The following NEDD1 variants were observed in gnomAD, a reference collection of about 807,000 sequenced individuals.
The protein encoded by NEDD1 is NEDD1 gamma-tubulin ring complex targeting factor.
A neutral mutation model predicts 74.0 loss-of-function variants in NEDD1; 33 were observed. The observed-to-expected ratio is 0.45, with a 90% CI of 0.34 to 0.60. The LOEUF (loss-of-function observed/expected upper bound fraction) is 0.60. Among genes scored for constraint, NEDD1 ranks in the 20% least tolerant of loss-of-function variants. The pLI, the probability that NEDD1 is intolerant of heterozygous loss-of-function variation, is 0.01. For missense variants in NEDD1, 746 were observed against 776.5 expected, an observed-to-expected ratio of 0.96 and a Z score of 0.47; for synonymous variants, 250 against 264.4, an observed-to-expected ratio of 0.95 and a Z score of 0.53.
chr12:96,944,971 C>T (rs1048220372), intron 13 of NEDD1, among the ~76,000 whole-genome samples, 176 bp downstream of exon 13: 3 of 151,968 alleles, frequency 2.0e-5, no homozygotes, highest in Admixed American at 1.3e-4. Context: ...GGATATGAAT[C>T]GTTAAATTCA....
chr12:96,946,255 A>G (rs1032068566), intron 14 of NEDD1, among the ~76,000 whole-genome samples: 4 of 152,126 alleles, frequency 2.6e-5, no homozygotes, highest in Non-Finnish European at 5.9e-5. Context: ...GTTTTCCAAT[A>G]GAATGCATCA....
Position 96,907,751 on chromosome 12 carries a change from G to GGCC in NEDD1, c.-112_-110dup. On this transcript the variant is annotated 5_prime_UTR_variant, in exon 2 of 16. Transcript: ENST00000266742. ...CCTGTAGCCGCTGTCCCTAAACCCAGGCCGACGTTACCGCCTTGTGTCCTG... is the reference window on the plus strand; with the variant it reads ...CCTGTAGCCGCTGTCCCTAAACCCAGGCCGCCGACGTTACCGCCTTGTGTCCTG... The GGCC allele has an allele frequency of 2.6e-6, 4 of 1,540,134 alleles. No homozygotes were observed. The South Asian group carries it at 4.8e-5, about 19-fold the overall frequency.
rs1398765540 is a variant in NEDD1 at position 96,936,421 on chromosome 12, A to G, written c.720-190A>G. On this transcript the variant is annotated intron_variant, in intron 7 of 15. Coordinates refer to ENST00000266742, the MANE Select transcript of NEDD1 (RefSeq NM_152905.4). ...GATGGAATGTTTAGCAGTTCTCTATATGCCATTTTATTAGAAATGTCTCTA... is the reference window on the plus strand; with the variant it reads ...GATGGAATGTTTAGCAGTTCTCTATGTGCCATTTTATTAGAAATGTCTCTA... Among the ~76,000 whole-genome samples the G allele has an allele frequency of 2.0e-5, 3 of 152,366 alleles. No individual in the cohort carries two copies. The East Asian group carries it at 5.8e-4, about 29-fold the overall frequency.
intron 6 of NEDD1, among the ~76,000 whole-genome samples, chr12:96,928,468 A>G (rs1286060899): frequency 6.6e-6 from 1 of 152,084 alleles, no homozygotes; most frequent in East Asian, 1.9e-4. Flanking sequence ...GCAGGCTTAC[A>G]TTTCCTTTAA....
At chr12:96,951,363 G>T in intron 14 of NEDD1, 69 bp from the exon 15 acceptor site, 1 of 821,920 alleles carries the variant, frequency 1.2e-6, no homozygotes, top group South Asian at 1.7e-5. Context: ...AAAGTTTAGT[G>T]AGTTTCTTGA....
chr12:96,949,141 G>A (rs1878473395), intron 14 of NEDD1, among the ~76,000 whole-genome samples: 1 of 152,156 alleles, frequency 6.6e-6, no homozygotes. Context: ...TCTCCACACT[G>A]TGGAATCAGC....
chr12:96,948,414 A>G (rs1878403665), intron 14 of NEDD1, among the ~76,000 whole-genome samples: 2 of 152,164 alleles, frequency 1.3e-5, no homozygotes, highest in African/African-American at 4.8e-5. Flanking sequence ...TACTCTGTCA[A>G]GGGCATGAAG....
Position 96,935,005 on chromosome 12 carries a change from T to A in NEDD1, c.519T>A (p.Phe173Leu). The A allele has an allele frequency of 6.2e-7, 1 of 1,609,972 alleles. No individual in the cohort carries two copies. The highest frequency in any genetic ancestry group is 1.7e-5 in the Admixed American group (1 of 60,012). Residue 173 changes from phenylalanine to leucine, a missense_variant, in exon 7 of 16, where the codon TTT becomes TTA. Phe to Leu is a conservative substitution (Grantham distance 22, BLOSUM62 0). Transcript: ENST00000266742. ...TTCGGCACTTGAAGTACTCCTTGTT[T>A]AAGAAATCACTACTGGGCAGTGTTT... ...QSVRHLKYSL[F>L]KKSLLGSVSD...
In NEDD1 at chr12:96,917,612, TTTA is replaced by T. The variant is rs1220187292; in HGVS notation, c.232-8_232-6del. 1 of 1,513,108 alleles carries T rather than the reference TTTA, an allele frequency of 6.6e-7. No individual in the cohort carries two copies. Among genetic ancestry groups the T allele is most frequent in the Non-Finnish European group, 8.8e-7 (1 of 1,140,260 alleles). The allele number at this position is 1,513,108 out of a possible 1,614,324, so 93.7% of individuals were successfully genotyped here. On this transcript the variant is annotated splice_polypyrimidine_tract_variant and splice_region_variant and intron_variant, in intron 4 of 15. Transcript: ENST00000266742. ...AATTAAGGTAACTTTTTTTTTTTTTTTTAAATAGCAAAAGCAGACATGTGTCAA... is the reference window on the plus strand; with the variant it reads ...AATTAAGGTAACTTTTTTTTTTTTTTAATAGCAAAAGCAGACATGTGTCAA...
chr12:96,932,463 AATAT>A (rs1555203253), intron 6 of NEDD1, among the ~76,000 whole-genome samples: 1 of 9,438 alleles, frequency 1.1e-4, no homozygotes, highest in Admixed American at 2.4e-3. Flanking sequence ...AAAAAAAAAA[AATAT>A]ATATATATAT....
Position 96,952,116 on chromosome 12 carries a change from AG to A in NEDD1, c.*64del. 1.1e-6 allele frequency: 1 copy of A among 874,988 alleles called. No homozygotes were observed. The highest frequency in any genetic ancestry group is 1.9e-6 in the Non-Finnish European group (1 of 525,192). 54.2% of individuals were successfully genotyped at this position (874,988 alleles called of 1,614,324 possible). ...AGTTTCTGGCAACACAGAACTACAT[AG>A]AATCAGTATTGTTTTCATGGCCTCC... On this transcript the variant is annotated 3_prime_UTR_variant, in exon 16 of 16. Coordinates refer to ENST00000266742, the MANE Select transcript of NEDD1 (RefSeq NM_152905.4).
intron 6 of NEDD1, among the ~76,000 whole-genome samples, chr12:96,933,644 G>C (rs1240540749): frequency 1.3e-5 from 2 of 152,044 alleles, no homozygotes; most frequent in East Asian, 3.9e-4. Context: ...TTAGGTGCCA[G>C]GTGACTAATA....
chr12:96,936,987 TTTTTTC>T (rs994458273), intron 8 of NEDD1, among the ~76,000 whole-genome samples, 175 bp downstream of exon 8: 2 of 151,980 alleles, frequency 1.3e-5, no homozygotes, highest in African/African-American at 4.8e-5. Flanking sequence ...TTTTAAAACT[TTTTTTC>T]TTTTTTTTTT....
At chr12:96,945,881 G>A (rs1437445110) in intron 14 of NEDD1, 32 bp downstream of exon 14, 2 of 1,405,900 alleles carry the variant, frequency 1.4e-6, no homozygotes, top group Non-Finnish European at 2.0e-6. Flanking sequence ...CTTCTATCTA[G>A]ACCTTACTTG....
intron 14 of NEDD1, among the ~76,000 whole-genome samples, chr12:96,947,289 G>A (rs1472147764): frequency 2.6e-5 from 4 of 152,140 alleles, no homozygotes; most frequent in Admixed American, 1.3e-4. Context: ...ATAATACAGT[G>A]TGAGCAAAGT....
Position 96,935,203 on chromosome 12 carries a change from G to A in NEDD1, c.717G>A (p.Lys239=), listed in dbSNP as rs779763541. ...TCATCCTCTATGACACTTCAAGTAA[G>A]AAGTAAGTGTGACATGCTTATTTCT... ...KRIILYDTSS[K]KLVKTLVADT... The change falls in exon 7 of 16, where the codon AAG becomes AAA. Residue 239 remains lysine (K), a splice_region_variant and synonymous_variant. Transcript: ENST00000266742. 7 of 1,500,622 alleles carry A rather than the reference G, an allele frequency of 4.7e-6. No individual in the cohort carries two copies. The highest frequency in any genetic ancestry group is 1.1e-5 in the South Asian group (1 of 88,730). The allele number at this position is 1,500,622 out of a possible 1,614,324, so 93.0% of individuals were successfully genotyped here.
chr12:96,951,986 A>G lies in NEDD1; in HGVS notation c.1916A>G (p.Asn639Ser), dbSNP rs1335454508. 5.6e-6 allele frequency: 9 copies of G among 1,604,714 alleles called. No homozygotes were observed. The highest frequency in any genetic ancestry group is 7.7e-6 in the Non-Finnish European group (9 of 1,172,658). ...TCTTTGCTGGAAAGATACTCAGTGAATGAAGGTTTAGTGGCTGAAATTGAA... is the reference window on the plus strand; with the variant it reads ...TCTTTGCTGGAAAGATACTCAGTGAGTGAAGGTTTAGTGGCTGAAATTGAA... ...MHSLLERYSV[N>S]EGLVAEIERL... Residue 639 changes from asparagine (N) to serine (S), a missense_variant, in exon 16 of 16, where the codon AAT becomes AGT. By Grantham distance (46) the Asn-to-Ser change is conservative. Coordinates refer to ENST00000266742, the MANE Select transcript of NEDD1 (RefSeq NM_152905.4).
At chr12:96,933,588 A>G (rs1375731457) in intron 6 of NEDD1, among the ~76,000 whole-genome samples, 1 of 152,198 alleles carries the variant, frequency 6.6e-6, no homozygotes, top group East Asian at 1.9e-4. Context: ...CTTTAGCCAT[A>G]TGAAAATGGG....
intron 14 of NEDD1, among the ~76,000 whole-genome samples, chr12:96,947,812 C>G (rs1241958380): frequency 6.6e-6 from 1 of 152,200 alleles, no homozygotes; most frequent in Non-Finnish European, 1.5e-5. Context: ...CCCTGCAGAG[C>G]TGCTGCAGCA....
Sources: gnomAD v4.1 joint callset for allele counts (sites outside exome capture counted in the v4.1 genomes callset) on GRCh38, gnomAD v4.1.1 for gene constraint, MANE v1.5 for transcripts, NCBI Gene and HGNC (gene_info 2026-07-23, HGNC 2026-07-21) for gene names.